PCSK2: variants seen among roughly 807,000 people sequenced by gnomAD.
The protein encoded by PCSK2 is proprotein convertase subtilisin/kexin type 2, also known as neuroendocrine convertase 2.
In PCSK2, 14 loss-of-function variants were observed where a neutral mutation model predicts 69.7. The ratio of observed to expected loss-of-function variants is 0.20; its 90% CI spans 0.13 to 0.31. The LOEUF is 0.31. Among genes scored for constraint, PCSK2 ranks in the 10% least tolerant of loss-of-function variants. The pLI is 1.00. For missense variants in PCSK2, 544 were observed against 842.5 expected (o/e 0.65, Z 4.39); for synonymous variants, 307 against 320.7 (o/e 0.96, Z 0.46).
intron 4 of PCSK2, among the ~76,000 whole-genome samples, chr20:17,365,736 A>C (rs2030566539): frequency 6.6e-6 from 1 of 152,238 alleles, no homozygotes; most frequent in Admixed American, 6.5e-5. Flanking sequence ...AGAAATAGGA[A>C]AGAAGAAAGG....
At chr20:17,298,681 AG>A (rs1988976664) in intron 2 of PCSK2, among the ~76,000 whole-genome samples, 1 of 152,150 alleles carries the variant, frequency 6.6e-6, no homozygotes, top group African/African-American at 2.4e-5. Context: ...TCGACGGGCT[AG>A]AAAATATTTT....
At chr20:17,263,740 A>G (rs1297637595) in intron 2 of PCSK2, among the ~76,000 whole-genome samples, 1 of 152,192 alleles carries the variant, frequency 6.6e-6, no homozygotes, top group Non-Finnish European at 1.5e-5. Flanking sequence ...CCCATGAAGA[A>G]CCAGTTCTTA....
chr20:17,274,954 GCT>G (rs1988007399), intron 2 of PCSK2, among the ~76,000 whole-genome samples: 1 of 151,750 alleles, frequency 6.6e-6, no homozygotes, highest in Non-Finnish European at 1.5e-5. Context: ...AATCAGCATT[GCT>G]TCTTTGGCTA....
chr20:17,477,161 A>G (rs2033305400), intron 11 of PCSK2, among the ~76,000 whole-genome samples: 1 of 152,216 alleles, frequency 6.6e-6, no homozygotes, highest in African/African-American at 2.4e-5. Flanking sequence ...GCTTGACTCC[A>G]ACTGGGCACA....
chr20:17,414,578 G>A lies in PCSK2; in HGVS notation c.620+5239G>A, dbSNP rs578088129. Among the ~76,000 whole-genome samples the A allele has an allele frequency of 6.6e-4, 101 of 152,226 alleles. 2 individuals are homozygous for A. The highest frequency in any genetic ancestry group is 1.2e-3 in the Admixed American group (19 of 15,296). On this transcript the variant is annotated intron_variant, in intron 6 of 11. Transcript: ENST00000262545. Reference sequence around the variant, plus strand: ...AACCAAAAAAAGTCCAGGACCAGACGGATTCACAGCCAAATTCTACCAGAG... The same window carrying A: ...AACCAAAAAAAGTCCAGGACCAGACAGATTCACAGCCAAATTCTACCAGAG...
At chr20:17,340,596 G>A (rs1265906780) in intron 2 of PCSK2, among the ~76,000 whole-genome samples, 7 of 152,038 alleles carry the variant, frequency 4.6e-5, no homozygotes, top group Admixed American at 4.6e-4. Flanking sequence ...CTTATCTTGT[G>A]TTTTTTTCCT....
chr20:17,475,701 G>A (rs560354618), intron 11 of PCSK2, among the ~76,000 whole-genome samples: 1 of 152,304 alleles, frequency 6.6e-6, no homozygotes, highest in African/African-American at 2.4e-5. Flanking sequence ...AGGGTCCTGG[G>A]TGCAAATTGG....
chr20:17,460,878 T>G (rs2033003742), intron 10 of PCSK2, among the ~76,000 whole-genome samples: 1 of 152,234 alleles, frequency 6.6e-6, no homozygotes, highest in East Asian at 1.9e-4. Context: ...GCTAGGTACT[T>G]TACATACATA....
intron 9 of PCSK2, among the ~76,000 whole-genome samples, chr20:17,455,546 T>A (rs2032904195): frequency 6.6e-6 from 1 of 152,248 alleles, no homozygotes; most frequent in South Asian, 2.1e-4. Flanking sequence ...TAGCCTGCCC[T>A]TCTAGAGAGA....
chr20:17,370,708 C>T (rs144475389), intron 5 of PCSK2, among the ~76,000 whole-genome samples: 2,953 of 152,252 alleles, frequency 0.019, 37 homozygotes, highest in Middle Eastern at 0.041. Flanking sequence ...TCTTCTCATG[C>T]ACTTCCTTAA....
At chr20:17,275,251 A>C (rs1019424929) in intron 2 of PCSK2, among the ~76,000 whole-genome samples, 15 of 152,188 alleles carry the variant, frequency 9.9e-5, no homozygotes, top group Non-Finnish European at 2.1e-4. Flanking sequence ...CTTTGGCATG[A>C]AACAGAAGCA....
At chr20:17,379,715 T>A (rs1235776928) in intron 5 of PCSK2, among the ~76,000 whole-genome samples, 1 of 152,220 alleles carries the variant, frequency 6.6e-6, no homozygotes. Flanking sequence ...GATATCACTC[T>A]TACAATTAGG....
chr20:17,273,720 C>T (rs754076858), intron 2 of PCSK2, among the ~76,000 whole-genome samples: 4 of 152,158 alleles, frequency 2.6e-5, no homozygotes, highest in South Asian at 4.1e-4. Flanking sequence ...AACTAGATTA[C>T]GCTGCAGTAA....
intron 2 of PCSK2, among the ~76,000 whole-genome samples, chr20:17,280,479 A>G (rs891363615): frequency 8.5e-5 from 13 of 152,228 alleles, no homozygotes; most frequent in African/African-American, 3.1e-4. Flanking sequence ...GAAGTTAGAC[A>G]CAGGCCCTTG....
intron 11 of PCSK2, among the ~76,000 whole-genome samples, chr20:17,477,290 A>C (rs144326787): frequency 3.9e-4 from 59 of 152,304 alleles, no homozygotes; most frequent in African/African-American, 1.3e-3. Context: ...GGGCCAGTAC[A>C]TGTGCCAAGC....
At chr20:17,290,325 A>G (rs1249482224) in intron 2 of PCSK2, among the ~76,000 whole-genome samples, 2 of 152,206 alleles carry the variant, frequency 1.3e-5, no homozygotes, top group African/African-American at 4.8e-5. Context: ...AAGGATCTGT[A>G]TGATCCCATT....
chr20:17,363,742 A>G (rs1383991462), intron 4 of PCSK2, among the ~76,000 whole-genome samples: 2 of 152,232 alleles, frequency 1.3e-5, no homozygotes, highest in African/African-American at 2.4e-5. Flanking sequence ...AAGTAAGAAT[A>G]AACAACTAAC....
chr20:17,469,467 T>C (rs2033163795), intron 11 of PCSK2, among the ~76,000 whole-genome samples: 1 of 152,204 alleles, frequency 6.6e-6, no homozygotes, highest in South Asian at 2.1e-4. Flanking sequence ...TACATTACTG[T>C]ATTTAATCCT....
intron 6 of PCSK2, among the ~76,000 whole-genome samples, chr20:17,409,985 G>T (rs575723246): frequency 1.3e-5 from 2 of 152,236 alleles, no homozygotes; most frequent in Non-Finnish European, 2.9e-5. Flanking sequence ...AAATAAAGAT[G>T]TGCGGTTTGC....
Sources: gnomAD v4.1 joint callset for allele counts (sites outside exome capture counted in the v4.1 genomes callset) on GRCh38, gnomAD v4.1.1 for gene constraint, MANE v1.5 for transcripts, NCBI Gene and HGNC (gene_info 2026-07-23, HGNC 2026-07-21) for gene names.